DHX16: variants seen among roughly 807,000 people sequenced by gnomAD.
DHX16 encodes the protein pre-mRNA-splicing factor ATP-dependent RNA helicase DHX16.
DHX16 carries 81 observed loss-of-function variants against 131.2 expected under a neutral mutation model. The ratio of observed to expected loss-of-function variants is 0.62; its 90% confidence interval spans 0.52 to 0.74. The LOEUF is 0.74. Among genes scored for constraint, DHX16 ranks in the 30% least tolerant of loss-of-function variants. DHX16 has a pLI of 0.00. For missense variants in DHX16, 980 were observed against 1,363.1 expected (o/e 0.72, Z 4.43); for synonymous variants, 440 against 520.2 (o/e 0.85, Z 2.10).
At position 30,655,470 on chromosome 6, in the gene DHX16, C is replaced by T. The variant is rs752429838; in HGVS notation, c.2626G>A (p.Gly876Ser). The change falls in exon 17 of 20, where the codon GGT (glycine) becomes AGT (serine). Residue 876 changes from glycine (G) to serine (S), a missense_variant. Gly to Ser is a moderately conservative substitution (Grantham distance 56). This residue lies in a region of DHX16 where 214 missense variants were observed against 271.2 expected (regional missense o/e 0.79). Coordinates refer to ENST00000376442, the MANE Select transcript of DHX16 (RefSeq NM_003587.5). ...ACATTTAGCAGAACCAGGTGGTCAC[C>T]GCCAGGGAGAAAGAAGTTGACACGG... ...NARVNFFLPG[G>S]DHLVLLNVYT... 13 of 1,613,374 alleles carry T rather than the reference C, an allele frequency of 8.1e-6. No individual in the cohort carries two copies. The highest frequency in any genetic ancestry group is 4.4e-5 in the South Asian group (4 of 91,084).
rs1768029876 is a variant in DHX16, at chr6:30,656,824, T to C, written c.2149-65A>G. On this transcript the variant is annotated intron_variant, in intron 13 of 19. Coordinates refer to ENST00000376442, the MANE Select transcript of DHX16 (RefSeq NM_003587.5). The surrounding 1 kb of genome is among the most constrained non-coding windows in gnomAD (Gnocchi z 5.1). ...AGGGAAAAGAAAAAGGCAGTATTTA[T>C]GCAAGAAATCTGGAAGGATGCAAAC... 1.9e-6 allele frequency: 3 copies of C among 1,604,116 alleles called. No individual in the cohort carries two copies. Among genetic ancestry groups the C allele is most frequent in the Non-Finnish European group, 2.6e-6 (3 of 1,176,216 alleles).
intron 4 of DHX16, among the ~76,000 whole-genome samples, chr6:30,667,930 C>G (rs1384080294): frequency 6.6e-6 from 1 of 152,156 alleles, no homozygotes; most frequent in Non-Finnish European, 1.5e-5. Flanking sequence ...GTGAGACAGA[C>G]AGAGAGAGAA....
In DHX16 at chr6:30,665,041, C is replaced by T. The variant is rs1768893798; in HGVS notation, c.1125+30G>A. 6.2e-7 allele frequency: 1 copy of T among 1,613,816 alleles called. No individual in the cohort carries two copies. The highest frequency in any genetic ancestry group is 1.3e-5 in the African/African-American group (1 of 74,982). On this transcript the variant is annotated intron_variant, in intron 6 of 19. Coordinates refer to ENST00000376442, the MANE Select transcript of DHX16 (RefSeq NM_003587.5). The surrounding 1 kb of genome is among the most constrained non-coding windows in gnomAD (Gnocchi z 4.8). Reference sequence around the variant, plus strand: ...AGCTAAATAGCTCGCTACGGGTCTTCCTCAGAAAGTCTCCCAGCTCCCCTC... The same window carrying T: ...AGCTAAATAGCTCGCTACGGGTCTTTCTCAGAAAGTCTCCCAGCTCCCCTC...
Position 30,653,310 on chromosome 6 carries a change from C to T in DHX16, c.3058G>A (p.Glu1020Lys), listed in dbSNP as rs2127574115. ...EVAPHYYKAK[E>K]LEDPHAKKMP... Reference sequence around the variant, plus strand: ...TTCTTAGCATGGGGATCTTCTAGCTCCTTGGCCTTATAATAATGGGGAGCC... The same window carrying T: ...TTCTTAGCATGGGGATCTTCTAGCTTCTTGGCCTTATAATAATGGGGAGCC... The change falls in exon 20 of 20, where the codon GAG becomes AAG. Residue 1020 changes from glutamate (E) to lysine (K), a missense_variant. Physicochemically the swap from Glu to Lys is moderately conservative, Grantham distance 56. Coordinates refer to ENST00000376442, the MANE Select transcript of DHX16 (RefSeq NM_003587.5). The T allele has an allele frequency of 6.2e-7, 1 of 1,612,970 alleles. No individual in the cohort carries two copies. Among genetic ancestry groups the T allele is most frequent in the Non-Finnish European group, 8.5e-7 (1 of 1,180,004 alleles).
chr6:30,654,714 T>C lies in DHX16; in HGVS notation c.2989A>G (p.Met997Val). Residue 997 changes from methionine (M) to valine (V), a missense_variant, in exon 19 of 20, where the codon ATG becomes GTG. Physicochemically the swap from Met to Val is conservative, Grantham distance 21. Transcript: ENST00000376442. The stretch of plus-strand genomic sequence containing the variant: ...CAGGATGTTCTCCTCACCTGTCTCA[T>C]GAACTCTTTGGTGGTCAAGACAAGT... Reference protein sequence around the residue: ...HELVLTTKEFMRQVLEIESSW... With the variant: ...HELVLTTKEFVRQVLEIESSW... 2 of 1,612,202 alleles carry C rather than the reference T, an allele frequency of 1.2e-6. No individual in the cohort carries two copies. The highest frequency in any genetic ancestry group is 1.1e-5 in the South Asian group (1 of 90,998).
intron 19 of DHX16, 31 bp from the exon 20 acceptor site, chr6:30,653,401 C>T: frequency 6.4e-7 from 1 of 1,566,992 alleles, no homozygotes; most frequent in Non-Finnish European, 8.6e-7. Context: ...ATGGAGTTCC[C>T]TTCTTTCCAA....
In DHX16 at chr6:30,656,607, G is replaced by A. The variant is rs1447031092; in HGVS notation, c.2301C>T (p.Leu767=). The change falls in exon 14 of 20, where the codon CTC becomes CTT. Residue 767 remains leucine, a synonymous_variant. Coordinates refer to ENST00000376442, the MANE Select transcript of DHX16 (RefSeq NM_003587.5). This position sits in a 1 kb window ranked among gnomAD's most constrained non-coding sequence, Gnocchi z 5.1. ...AGGTAGCCCAATCACCTAAGCTCTT[G>A]AGCAGCAACACGACATTGCCCAAGC... The part of the protein sequence containing the change: ...RTSLGNVVLL[L]KSLGIHDLMH... The A allele has an allele frequency of 1.9e-6, 3 of 1,614,160 alleles. No individual in the cohort carries two copies. The highest frequency in any genetic ancestry group is 1.7e-5 in the Admixed American group (1 of 60,016).
Position 30,656,389 on chromosome 6 carries a change from A to C in DHX16, c.2430+2T>G. The C allele has an allele frequency of 6.2e-7, 1 of 1,613,770 alleles. No individual in the cohort carries two copies. The highest frequency in any genetic ancestry group is 1.1e-5 in the South Asian group (1 of 91,070). ...CTCCACCCATGCTGTCCCCCGACTC[A>C]CCGTGGTGAGCTCCCCAAGGTGGTT... is the stretch of plus-strand genomic sequence containing the variant. On this transcript the variant is annotated splice_donor_variant, in intron 15 of 19. Coordinates refer to ENST00000376442, the MANE Select transcript of DHX16 (RefSeq NM_003587.5). LOFTEE classifies it high-confidence loss of function. The surrounding 1 kb of genome is among the most constrained non-coding windows in gnomAD (Gnocchi z 5.1).
intron 4 of DHX16, among the ~76,000 whole-genome samples, chr6:30,669,141 C>T (rs10755660): frequency 9.9e-5 from 15 of 151,706 alleles, no homozygotes; most frequent in Admixed American, 2.6e-4. Flanking sequence ...AAAGTAAAAA[C>T]GGCCAGGCGT....
rs779015186 is a variant in DHX16 at position 30,660,039 on chromosome 6, T to A, written c.1748A>T (p.Tyr583Phe). ...PGRRFPVDIFYTKAPEADYLE... is the reference protein window; with the variant it reads ...PGRRFPVDIFFTKAPEADYLE... ...TCCTCCCTGAGGGGGCACCTTGGTG[T>A]AGAAGATGTCCACAGGAAACCTGCG... Residue 583 changes from tyrosine (Y) to phenylalanine (F), a missense_variant, in exon 10 of 20, where the codon TAC becomes TTC. Tyr to Phe is a conservative substitution (Grantham distance 22). Coordinates refer to ENST00000376442, the MANE Select transcript of DHX16 (RefSeq NM_003587.5). 1.9e-6 allele frequency: 3 copies of A among 1,612,640 alleles called. No homozygotes were observed. The East Asian group carries it at 6.7e-5, about 36-fold the overall frequency.
rs557865026 is a variant in DHX16 at position 30,655,642 on chromosome 6, G to C, written c.2499-45C>G. On this transcript the variant is annotated intron_variant, in intron 16 of 19. Transcript: ENST00000376442. Reference sequence around the variant, plus strand: ...GCATGAGTTCAAAGCAAGACACATAGGAACAGATATGGTGGAGTGGGGAGT... The same window carrying C: ...GCATGAGTTCAAAGCAAGACACATACGAACAGATATGGTGGAGTGGGGAGT... The C allele has an allele frequency of 1.3e-4, 201 of 1,604,934 alleles. No homozygotes were observed. The African/African-American group carries it at 2.2e-3, about 18-fold the overall frequency.
chr6:30,672,491 G>T, intron 1 of DHX16, 144 bp downstream of exon 1: 1 of 716,796 alleles, frequency 1.4e-6, no homozygotes, highest in South Asian at 1.9e-5. Context: ...CACTGAGCTG[G>T]GCGTCCAGCA....
intron 4 of DHX16, among the ~76,000 whole-genome samples, chr6:30,669,208 G>A (rs1769309787): frequency 6.6e-6 from 1 of 152,150 alleles, no homozygotes; most frequent in African/African-American, 2.4e-5. Flanking sequence ...CAGATCACAA[G>A]GTCAAGAGAT....
Position 30,671,163 on chromosome 6 carries a change from T to G in DHX16, c.319A>C (p.Ser107Arg). 1 of 1,613,116 alleles carries G rather than the reference T, an allele frequency of 6.2e-7. No homozygotes were observed. The highest frequency in any genetic ancestry group is 8.5e-7 in the Non-Finnish European group (1 of 1,180,044). Residue 107 changes from serine (S) to arginine (R), a missense_variant, in exon 2 of 20, where the codon AGT (serine) becomes CGT (arginine). Ser to Arg is a moderately radical substitution (Grantham distance 110). Transcript: ENST00000376442. ...YRLLEDSEES[S>R]EETVSRAGSS... ...CCAGCCCTACTCACAGTCTCCTCAC[T>G]GCTCTCTTCACTGTCTTCCAGTAAC...
Position 30,660,019 on chromosome 6 carries a change from C to G in DHX16, c.1755+13G>C. 1 of 1,611,902 alleles carries G rather than the reference C, an allele frequency of 6.2e-7. No individual in the cohort carries two copies. Among genetic ancestry groups the G allele is most frequent in the Admixed American group, 1.7e-5 (1 of 59,940 alleles). On this transcript the variant is annotated intron_variant, in intron 10 of 19. Transcript: ENST00000376442. ...CTGCCACAGACTTAAGCCCATCCTC[C>G]CTGAGGGGGCACCTTGGTGTAGAAG...
At chr6:30,655,953 T>C (rs1767938843) in intron 16 of DHX16, among the ~76,000 whole-genome samples, 1 of 152,104 alleles carries the variant, frequency 6.6e-6, no homozygotes, top group Non-Finnish European at 1.5e-5. Flanking sequence ...TACATCTAAA[T>C]GTTCTAGTTG....
Position 30,660,277 on chromosome 6 carries a change from C to T in DHX16, c.1545-35G>A, listed in dbSNP as rs532310615. On this transcript the variant is annotated intron_variant, in intron 9 of 19. Coordinates refer to ENST00000376442, the MANE Select transcript of DHX16 (RefSeq NM_003587.5). ...GAATAGGAGAGCAATGAGGGAAGAG[C>T]GCTAGGCAATGCAGTATCAGACACC... The T allele has an allele frequency of 2.7e-6, 4 of 1,488,594 alleles. No individual in the cohort carries two copies. In the African/African-American group the frequency reaches 4.2e-5, roughly 16 times the overall value. 92.2% of individuals were successfully genotyped at this position (1,488,594 alleles called of 1,614,324 possible). A position where few individuals can be genotyped will look rare whatever the true frequency, so the allele number is the denominator to read the frequency against.
chr6:30,658,312 G>A (rs1768161574), intron 12 of DHX16, among the ~76,000 whole-genome samples: 1 of 152,166 alleles, frequency 6.6e-6, no homozygotes, highest in Admixed American at 6.5e-5. Context: ...GGAGGCCAAG[G>A]TGGGCAGATC....
At chr6:30,660,990 T>TA (rs1768456722) in intron 9 of DHX16, among the ~76,000 whole-genome samples, 1 of 151,460 alleles carries the variant, frequency 6.6e-6, no homozygotes. Flanking sequence ...CTCCGCCTCC[T>TA]GGGTTCACAC....
Sources: gnomAD v4.1 joint callset for allele counts (sites outside exome capture counted in the v4.1 genomes callset) on GRCh38, gnomAD v4.1.1 for gene constraint, gnomAD v4.1.1 regional missense constraint, Gnocchi (gnomAD v3.1) non-coding constraint, MANE v1.5 for transcripts, NCBI Gene and HGNC (gene_info 2026-07-23, HGNC 2026-07-21) for gene names.